ADAMTS15: variants seen among roughly 807,000 people sequenced by gnomAD.
ADAMTS15 encodes the protein A disintegrin and metalloproteinase with thrombospondin motifs 15.
Under a neutral mutation model 79.1 loss-of-function variants are expected in ADAMTS15, and 35 were observed. The ratio of observed to expected loss-of-function variants is 0.44; its 90% CI spans 0.34 to 0.59. ADAMTS15 has a LOEUF of 0.59. ADAMTS15 is among the 20% of genes least tolerant of loss of function. The probability of loss-of-function intolerance (pLI) is 0.02; values close to 1 mark genes in which losing one functional copy is unlikely to be tolerated. For synonymous variants in ADAMTS15, 616 were observed against 567.3 expected, an observed-to-expected ratio of 1.09 and a Z score of -1.22; for missense variants, 1,324 against 1,318.7, an observed-to-expected ratio of 1.00 and a Z score of -0.06.
rs1938511454 is a variant in ADAMTS15 at position 130,473,595 on chromosome 11, C to G, written c.2627C>G (p.Pro876Arg). ...CRGSAGQRTV[P>R]ACDAAHRPVE... is the part of the protein sequence containing the mutation. Reference sequence around the variant, plus strand: ...GGCTCCGCCGGGCAGCGCACGGTCCCTGCCTGTGATGCAGCCCATCGGCCC... The same window carrying G: ...GGCTCCGCCGGGCAGCGCACGGTCCGTGCCTGTGATGCAGCCCATCGGCCC... Residue 876 changes from proline (P) to arginine (R), a missense_variant, in exon 8 of 8, where the codon CCT becomes CGT. Transcript: ENST00000299164. 1 of 1,609,736 alleles carries G rather than the reference C, an allele frequency of 6.2e-7. No individual in the cohort carries two copies. The highest frequency in any genetic ancestry group is 8.5e-7 in the Non-Finnish European group (1 of 1,178,898).
Sources: gnomAD v4.1 joint callset for allele counts on GRCh38, gnomAD v4.1.1 for gene constraint, MANE v1.5 for transcripts, NCBI Gene and HGNC (gene_info 2026-07-23, HGNC 2026-07-21) for gene names.